The following EYS variants were observed in gnomAD, a reference collection of about 807,000 sequenced individuals.
EYS encodes the protein protein eyes shut homolog.
Under a neutral mutation model 282.1 loss-of-function variants are expected in EYS, and 250 were observed. The ratio of observed to expected loss-of-function variants is 0.89; its 90% confidence interval spans 0.80 to 0.98. The LOEUF (loss-of-function observed/expected upper bound fraction) is 0.98, where lower values mean the gene tolerates loss of function less well. Among genes scored for constraint, EYS ranks in the 50% least tolerant of loss-of-function variants. EYS has a pLI of 0.00. For synonymous variants in EYS, 1,355 were observed against 1,282.9 expected (o/e 1.06, Z -1.20); for missense variants, 4,016 against 3,709.0 (o/e 1.08, Z -2.15).
At chr6:64,821,322 C>G (rs1477895620) in intron 21 of EYS, among the ~76,000 whole-genome samples, 3 of 151,998 alleles carry the variant, frequency 2.0e-5, no homozygotes, top group African/African-American at 7.2e-5. Context: ...GAGGACGAGG[C>G]AGATGGTAAA....
At chr6:65,695,364 T>C (rs1371542003) in intron 1 of EYS, among the ~76,000 whole-genome samples, 2 of 152,148 alleles carry the variant, frequency 1.3e-5, no homozygotes, top group Non-Finnish European at 2.9e-5. Context: ...TCAGAAGGTA[T>C]ATGGCTAGTG....
At chr6:64,559,266 T>TGC (rs1765325682) in intron 26 of EYS, among the ~76,000 whole-genome samples, 1 of 125,758 alleles carries the variant, frequency 8.0e-6, no homozygotes, top group Non-Finnish European at 1.7e-5. Flanking sequence ...TGTGTGTGTG[T>TGC]GTGCATGTGT....
At chr6:64,758,108 C>T (rs1464063958) in intron 22 of EYS, among the ~76,000 whole-genome samples, 1 of 151,976 alleles carries the variant, frequency 6.6e-6, no homozygotes, top group African/African-American at 2.4e-5. Context: ...CAAACACAGA[C>T]ATGTCTCATC....
chr6:65,205,133 C>T (rs989948709), intron 12 of EYS, among the ~76,000 whole-genome samples: 1 of 148,344 alleles, frequency 6.7e-6, no homozygotes. Flanking sequence ...CTATCTCCAA[C>T]TGTCGGCTGC....
At chr6:65,289,558 T>C (rs754151982) in intron 12 of EYS, among the ~76,000 whole-genome samples, 1 of 151,126 alleles carries the variant, frequency 6.6e-6, no homozygotes, top group Admixed American at 6.6e-5. Context: ...CTGATATATA[T>C]ACCACAGAAA....
chr6:65,452,163 T>C (rs9345634), intron 5 of EYS, among the ~76,000 whole-genome samples: 28,080 of 151,698 alleles, frequency 0.19, 3,246 homozygotes, highest in Middle Eastern at 0.3. Flanking sequence ...CTCTTATTAA[T>C]AGCAAGAAGT....
chr6:64,417,531 C>CT (rs1399757883), intron 28 of EYS, among the ~76,000 whole-genome samples: 2 of 152,012 alleles, frequency 1.3e-5, no homozygotes, highest in Admixed American at 1.3e-4. Context: ...TGACAAGTTT[C>CT]TGACAATTAT....
chr6:64,871,062 A>G (rs1031753668), intron 19 of EYS, among the ~76,000 whole-genome samples: 1 of 151,830 alleles, frequency 6.6e-6, no homozygotes, highest in Non-Finnish European at 1.5e-5. Flanking sequence ...TCAACTGAGT[A>G]AAGTCAAAAA....
At chr6:63,776,684 A>G (rs1770072965) in intron 40 of EYS, among the ~76,000 whole-genome samples, 1 of 152,210 alleles carries the variant, frequency 6.6e-6, no homozygotes, top group African/African-American at 2.4e-5. Context: ...ACTTGGCACT[A>G]TATATTCCAA....
In EYS at chr6:64,781,107, G is replaced by A. The variant is rs1773843868; in HGVS notation, c.3443+32271C>T. 2.6e-5 allele frequency among the ~76,000 whole-genome samples: 4 copies of A among 151,612 alleles called. No individual in the cohort carries two copies. The South Asian group carries it at 8.3e-4, about 32-fold the overall frequency. ...TGTCACAGGGACAAATTCTTACCAG[G>A]AGAGGATAGGAAGTGCCTGCAGGGT... On this transcript the variant is annotated intron_variant, in intron 22 of 42. Transcript: ENST00000503581.
intron 26 of EYS, among the ~76,000 whole-genome samples, chr6:64,559,667 T>G (rs1472388703): frequency 6.6e-6 from 1 of 152,154 alleles, no homozygotes; most frequent in Non-Finnish European, 1.5e-5. Flanking sequence ...TGATTCTTTG[T>G]TAAAAATTTA....
intron 28 of EYS, among the ~76,000 whole-genome samples, chr6:64,402,804 C>A (rs1001023142): frequency 5.9e-5 from 9 of 152,064 alleles, no homozygotes; most frequent in Admixed American, 1.3e-4. Context: ...TCTTAAGAAC[C>A]GTGTAAATAG....
intron 30 of EYS, among the ~76,000 whole-genome samples, chr6:64,240,544 GCTCT>G (rs373095723): frequency 2.8e-4 from 43 of 152,004 alleles, no homozygotes; most frequent in Non-Finnish European, 4.3e-4. Flanking sequence ...TCATGATTTG[GCTCT>G]CTATTTGTCT....
intron 8 of EYS, among the ~76,000 whole-genome samples, chr6:65,368,675 A>G (rs1389872539): frequency 1.3e-5 from 2 of 151,774 alleles, no homozygotes; most frequent in Non-Finnish European, 2.9e-5. Context: ...ATTAAAATAT[A>G]TCATAGAACT....
Position 65,170,008 on chromosome 6 carries a change from A to G in EYS, c.2024-112281T>C, listed in dbSNP as rs1349198732. On this transcript the variant is annotated intron_variant, in intron 12 of 42. Transcript: ENST00000503581. Reference sequence around the variant, plus strand: ...AGATTATTGTAGTGCAATCTTCTAAAAATGGGAAACTTACTTTCACCTGCA... The same window carrying G: ...AGATTATTGTAGTGCAATCTTCTAAGAATGGGAAACTTACTTTCACCTGCA... 2.6e-5 allele frequency among the ~76,000 whole-genome samples: 4 copies of G among 151,704 alleles called. 1 individual carries two copies. The East Asian group carries it at 7.8e-4, about 30-fold the overall frequency.
At chr6:63,846,829 T>C (rs1772110361) in intron 36 of EYS, among the ~76,000 whole-genome samples, 1 of 152,228 alleles carries the variant, frequency 6.6e-6, no homozygotes, top group African/African-American at 2.4e-5. Flanking sequence ...TACATTTGTC[T>C]GTCTTTGGGG....
intron 19 of EYS, among the ~76,000 whole-genome samples, chr6:64,840,007 T>A (rs968710652): frequency 6.6e-5 from 10 of 152,038 alleles, no homozygotes; most frequent in Non-Finnish European, 1.3e-4. Flanking sequence ...TATGCATACA[T>A]GTAAGATCAT....
At chr6:65,589,828 G>A (rs2127367011) in intron 2 of EYS, among the ~76,000 whole-genome samples, 1 of 151,894 alleles carries the variant, frequency 6.6e-6, no homozygotes, top group South Asian at 2.1e-4. Flanking sequence ...AATGTTAAAG[G>A]TTTTGGGGGG....
chr6:63,811,655 A>G (rs752654233), intron 36 of EYS, among the ~76,000 whole-genome samples: 9 of 152,288 alleles, frequency 5.9e-5, no homozygotes, highest in Non-Finnish European at 5.9e-5. Context: ...ACCAACTACT[A>G]GATAATGAAC....
Sources: gnomAD v4.1 joint callset for allele counts (sites outside exome capture counted in the v4.1 genomes callset) on GRCh38, gnomAD v4.1.1 for gene constraint, MANE v1.5 for transcripts, NCBI Gene and HGNC (gene_info 2026-07-23, HGNC 2026-07-21) for gene names.